Variants in CNOT10 observed in about 807,000 individuals in gnomAD.
The protein encoded by CNOT10 is CCR4-NOT transcription complex, subunit 10.
In CNOT10, 30 loss-of-function variants were observed where a neutral mutation model predicts 94.6. The observed-to-expected ratio is 0.32, with a 90% confidence interval of 0.24 to 0.43. The LOEUF (loss-of-function observed/expected upper bound fraction) is 0.43, where lower values mean the gene tolerates loss of function less well. Ranked by LOEUF, CNOT10 falls within the 20% of genes least tolerant of loss-of-function variation. The pLI is 1.00. For synonymous variants in CNOT10, 289 were observed against 301.6 expected, an observed-to-expected ratio of 0.96 and a Z score of 0.43; for missense variants, 759 against 877.2, an observed-to-expected ratio of 0.87 and a Z score of 1.70.
chr3:32,695,132 G>A (rs527591937), intron 1 of CNOT10, among the ~76,000 whole-genome samples: 8 of 152,318 alleles, frequency 5.3e-5, no homozygotes, highest in African/African-American at 1.4e-4. Flanking sequence ...TTTGGGCTGC[G>A]AAGTGTGTGC....
At chr3:32,767,047 T>C (rs1433899472) in intron 17 of CNOT10, among the ~76,000 whole-genome samples, 3 of 152,202 alleles carry the variant, frequency 2.0e-5, no homozygotes, top group African/African-American at 7.2e-5. Context: ...CCTTTGCAGT[T>C]AGGAGACACC....
intron 11 of CNOT10, 39 bp downstream of exon 11, chr3:32,733,583 T>C: frequency 7.7e-7 from 1 of 1,290,526 alleles, no homozygotes; most frequent in Non-Finnish European, 1.1e-6. Context: ...ATATATTTAA[T>C]ACTAGTTTAC....
chr3:32,709,105 A>T (rs1165402347), intron 4 of CNOT10, among the ~76,000 whole-genome samples: 1 of 152,226 alleles, frequency 6.6e-6, no homozygotes, highest in African/African-American at 2.4e-5. Context: ...ATTTTAGTGT[A>T]CCTGATCCTT....
intron 1 of CNOT10, chr3:32,695,581 T>C: frequency 6.5e-7 from 1 of 1,530,512 alleles, no homozygotes; most frequent in Non-Finnish European, 8.7e-7. Flanking sequence ...GTGGTGCATT[T>C]CTTTTCTGCT....
chr3:32,745,588 A>G (rs980746509), intron 13 of CNOT10, among the ~76,000 whole-genome samples: 3 of 152,234 alleles, frequency 2.0e-5, no homozygotes, highest in African/African-American at 7.2e-5. Flanking sequence ...AAAGAATTTT[A>G]TAGCAGCTTT....
intron 1 of CNOT10, among the ~76,000 whole-genome samples, chr3:32,702,702 A>G (rs934200349): frequency 6.6e-6 from 1 of 152,118 alleles, no homozygotes; most frequent in Non-Finnish European, 1.5e-5. Flanking sequence ...AGTTGCTTGA[A>G]TATGTGGGAC....
intron 1 of CNOT10, among the ~76,000 whole-genome samples, chr3:32,685,762 G>A (rs1012112808): frequency 6.6e-6 from 1 of 152,122 alleles, no homozygotes; most frequent in African/African-American, 2.4e-5. Flanking sequence ...AATGTATTTT[G>A]CCGCTTCGCA....
intron 4 of CNOT10, among the ~76,000 whole-genome samples, chr3:32,712,167 T>TG (rs937501381): frequency 2.0e-5 from 3 of 150,648 alleles, no homozygotes; most frequent in Non-Finnish European, 3.0e-5. Flanking sequence ...TTGTTTGTTT[T>TG]TTTTTTTTTT....
Position 32,738,191 on chromosome 3 carries a change from G to A in CNOT10, c.1595+701G>A, listed in dbSNP as rs149863299. On this transcript the variant is annotated intron_variant, in intron 13 of 18. Transcript: ENST00000328834. The stretch of plus-strand genomic sequence containing the variant: ...CGCTAAGGCCTCCTGGAGGGTGGAG[G>A]GTGGTAGAGGATCAGAAAAAATAAC... 8.2e-3 allele frequency among the ~76,000 whole-genome samples: 1,251 copies of A among 152,186 alleles called. 18 individuals carry two copies. The highest frequency in any genetic ancestry group is 0.028 in the African/African-American group (1,151 of 41,504).
chr3:32,730,897 C>T (rs569267459), intron 10 of CNOT10: 1 of 152,126 alleles, frequency 6.6e-6, no homozygotes, highest in Non-Finnish European at 1.5e-5. Context: ...ATCCTTTTAC[C>T]TTAAAACTTA....
chr3:32,741,535 C>T (rs752161270), intron 13 of CNOT10, among the ~76,000 whole-genome samples: 4 of 151,944 alleles, frequency 2.6e-5, no homozygotes, highest in Non-Finnish European at 4.4e-5. Flanking sequence ...TTAGGGCGGC[C>T]GAGGCGAGCG....
chr3:32,734,716 T>C, intron 11 of CNOT10, 84 bp from the exon 12 acceptor site: 1 of 1,111,950 alleles, frequency 9.0e-7, no homozygotes, highest in Non-Finnish European at 1.3e-6. Flanking sequence ...TCATTTATAA[T>C]CAATTGGTTT....
At chr3:32,696,109 A>C (rs1417393943) in intron 1 of CNOT10, among the ~76,000 whole-genome samples, 1 of 151,788 alleles carries the variant, frequency 6.6e-6, no homozygotes, top group Non-Finnish European at 1.5e-5. Flanking sequence ...TGAGATCAGG[A>C]GTTCAAGACC....
At chr3:32,758,775 A>G (rs1190198820) in intron 13 of CNOT10, among the ~76,000 whole-genome samples, 3 of 152,224 alleles carry the variant, frequency 2.0e-5, no homozygotes, top group Non-Finnish European at 2.9e-5. Context: ...AGAAAACCAA[A>G]TATTATAGAA....
At chr3:32,752,869 C>A (rs748444199) in intron 13 of CNOT10, 1 of 310,594 alleles carries the variant, frequency 3.2e-6, no homozygotes, top group Admixed American at 4.4e-5. Context: ...GTGGTAACTA[C>A]GACAGTAGCA....
intron 7 of CNOT10, among the ~76,000 whole-genome samples, chr3:32,718,525 T>C (rs968837073): frequency 1.3e-4 from 17 of 134,422 alleles, no homozygotes; most frequent in Admixed American, 2.6e-4. Context: ...CGGATCTTGC[T>C]GTGAGCCGAG....
intron 13 of CNOT10, among the ~76,000 whole-genome samples, chr3:32,754,563 A>G (rs1464537330): frequency 2.9e-5 from 3 of 104,320 alleles, no homozygotes; most frequent in African/African-American, 1.2e-4. Flanking sequence ...TCTGTTTTCC[A>G]CGCTGGAGTG....
At chr3:32,730,266 T>C (rs1371123384) in intron 10 of CNOT10, among the ~76,000 whole-genome samples, 2 of 152,084 alleles carry the variant, frequency 1.3e-5, no homozygotes, top group Non-Finnish European at 2.9e-5. Context: ...ATAGTACTTT[T>C]AGGATTGTGT....
chr3:32,717,166 G>A lies in CNOT10; in HGVS notation c.673G>A (p.Ala225Thr), dbSNP rs772162449. 1.2e-6 allele frequency: 2 copies of A among 1,600,770 alleles called. No individual in the cohort carries two copies. ...KSKIHQYKVR[A>T]YIQMKSLKAC... is the part of the protein sequence containing the mutation. Reference sequence around the variant, plus strand: ...TTCCCTTTGACAGTACAAAGTACGAGCTTATATCCAAATGAAGTCTCTGAA... The same window carrying A: ...TTCCCTTTGACAGTACAAAGTACGAACTTATATCCAAATGAAGTCTCTGAA... Residue 225 changes from alanine to threonine, a missense_variant, in exon 7 of 19, where the codon GCT becomes ACT. Physicochemically the swap from Ala to Thr is moderately conservative, Grantham distance 58. Coordinates refer to ENST00000328834, the MANE Select transcript of CNOT10 (RefSeq NM_015442.3).
Sources: allele counts gnomAD v4.1 joint callset (sites outside exome capture counted in the v4.1 genomes callset), GRCh38; gene constraint gnomAD v4.1.1; transcripts MANE v1.5; gene names NCBI Gene and HGNC (gene_info 2026-07-23, HGNC 2026-07-21).